Variants in HELZ observed in about 807,000 individuals in gnomAD.
HELZ encodes the protein ATP-dependent RNA helicase with zinc finger domain.
A neutral mutation model predicts 218.2 loss-of-function variants in HELZ; 23 were observed. The ratio of observed to expected loss-of-function variants is 0.11; its 90% CI spans 0.08 to 0.15. The LOEUF (loss-of-function observed/expected upper bound fraction) is 0.15. HELZ is among the 10% of genes least tolerant of loss of function. The pLI is 1.00. For missense variants in HELZ, 1,813 were observed against 2,353.7 expected, an observed-to-expected ratio of 0.77 and a Z score of 4.75; for synonymous variants, 814 against 829.4, an observed-to-expected ratio of 0.98 and a Z score of 0.32.
chr17:67,089,696 G>GAGAGAGAGAGAGAGACAGAC (rs34752223), intron 31 of HELZ, among the ~76,000 whole-genome samples: 6 of 122,674 alleles, frequency 4.9e-5, no homozygotes, highest in Admixed American at 4.9e-4. Context: ...GAGAGAGAGA[G>GAGAGAGAGAGAGAGACAGAC]AGAGACAGAG....
chr17:67,202,636 G>A (rs2040197302), intron 6 of HELZ, among the ~76,000 whole-genome samples: 1 of 152,176 alleles, frequency 6.6e-6, no homozygotes, highest in African/African-American at 2.4e-5. Context: ...AGTTTAGATA[G>A]ATTTAAACAT....
rs1246025366 is a variant in HELZ, at chr17:67,189,649, C to CAGG, written c.801_803dup (p.Leu268dup). ...ATTTTTTGGTGCTGACAGTAACTGA[C>CAGG]AGGTCAGGATTGTGCTCTACCTTTA... is the stretch of plus-strand genomic sequence containing the variant. On this transcript the variant is annotated inframe_insertion, in exon 11 of 33. Coordinates refer to ENST00000358691, the MANE Select transcript of HELZ (RefSeq NM_014877.4). 6.2e-7 allele frequency: 1 copy of CAGG among 1,613,740 alleles called. No homozygotes were observed. Among genetic ancestry groups the CAGG allele is most frequent in the Non-Finnish European group, 8.5e-7 (1 of 1,179,746 alleles).
Position 67,123,313 on chromosome 17 carries a change from T to C in HELZ, c.3440-153A>G, listed in dbSNP as rs1372484491. Among the ~76,000 whole-genome samples the C allele has an allele frequency of 2.6e-5, 4 of 151,788 alleles. No homozygotes were observed. The highest frequency in any genetic ancestry group is 2.0e-4 in the Admixed American group (3 of 15,260). On this transcript the variant is annotated intron_variant, in intron 25 of 32. Transcript: ENST00000358691. ...TATCAGTGTGGAAAAGTAAAGCATA[T>C]TACAAAAAAAAAAAATTTTTATAAT...
chr17:67,196,104 G>A (rs1030186050), intron 7 of HELZ, among the ~76,000 whole-genome samples: 10 of 152,010 alleles, frequency 6.6e-5, no homozygotes, highest in East Asian at 3.9e-4. Context: ...CGCCCGCCTC[G>A]GCCTCCTAAA....
At chr17:67,174,833 A>G (rs891199203) in intron 13 of HELZ, among the ~76,000 whole-genome samples, 1 of 152,176 alleles carries the variant, frequency 6.6e-6, no homozygotes, top group Admixed American at 6.5e-5. Context: ...TATTCTGCTT[A>G]AACTGTCAAA....
At chr17:67,215,034 C>T (rs1336137565) in intron 5 of HELZ, among the ~76,000 whole-genome samples, 1 of 152,084 alleles carries the variant, frequency 6.6e-6, no homozygotes, top group East Asian at 1.9e-4. Flanking sequence ...ATCCCAGCTA[C>T]TTGCAAGGCT....
At chr17:67,171,633 C>G (rs754951735) in intron 13 of HELZ, among the ~76,000 whole-genome samples, 5 of 152,166 alleles carry the variant, frequency 3.3e-5, no homozygotes, top group Non-Finnish European at 7.4e-5. Flanking sequence ...ATCAGAGGAT[C>G]TCTGAAAAAT....
chr17:67,210,030 C>T (rs2040410612), intron 5 of HELZ, among the ~76,000 whole-genome samples: 1 of 152,080 alleles, frequency 6.6e-6, no homozygotes, highest in Admixed American at 6.6e-5. Context: ...CCAGCCTGGG[C>T]AACAAAGCAA....
intron 27 of HELZ, among the ~76,000 whole-genome samples, chr17:67,119,750 G>C (rs994021455): frequency 2.0e-5 from 3 of 151,652 alleles, no homozygotes; most frequent in Admixed American, 6.6e-5. Context: ...AAAATATTTC[G>C]AGTTAACAAA....
intron 32 of HELZ, 88 bp from the exon 33 acceptor site, chr17:67,078,674 T>G: frequency 2.1e-6 from 2 of 944,266 alleles, no homozygotes; most frequent in Non-Finnish European, 3.0e-6. Flanking sequence ...GAACTGGCTC[T>G]CATCTCCAGG....
chr17:67,107,648 G>C lies in HELZ; in HGVS notation c.4762C>G (p.Gln1588Glu). 6.2e-7 allele frequency: 1 copy of C among 1,613,978 alleles called. No individual in the cohort carries two copies. The highest frequency in any genetic ancestry group is 1.1e-5 in the South Asian group (1 of 91,064). The change falls in exon 31 of 33, where the codon CAA (glutamine) becomes GAA (glutamate). Residue 1588 changes from glutamine to glutamate, a missense_variant. This residue lies in a region of HELZ where 938 missense variants were observed against 1,027.5 expected (regional missense o/e 0.91). Transcript: ENST00000358691. ...TCAGCTAGTTCCCGTGTTTCACTTT[G>C]ATCACGATGAGACAGTTCTCTGATT... ...DLIRELSHRD[Q>E]SETRELAEMP...
At chr17:67,142,027 G>C (rs1414117342) in intron 21 of HELZ, among the ~76,000 whole-genome samples, 1 of 151,710 alleles carries the variant, frequency 6.6e-6, no homozygotes, top group East Asian at 1.9e-4. Flanking sequence ...CTGGGCAACA[G>C]AGTGAGACTC....
At chr17:67,115,704 C>T (rs999585903) in intron 27 of HELZ, among the ~76,000 whole-genome samples, 1 of 152,020 alleles carries the variant, frequency 6.6e-6, no homozygotes, top group Non-Finnish European at 1.5e-5. Flanking sequence ...GAATTCTCCA[C>T]CCTACAAAAA....
rs562448281 is a variant in HELZ, at chr17:67,089,259, G to A, written c.5242-2178C>T. 3.3e-5 allele frequency among the ~76,000 whole-genome samples: 5 copies of A among 152,076 alleles called. No individual in the cohort carries two copies. In the South Asian group the frequency reaches 6.2e-4, roughly 19 times the overall value. On this transcript the variant is annotated intron_variant, in intron 31 of 32. Transcript: ENST00000358691. Reference sequence around the variant, plus strand: ...TATAAGCCCCTTTTCATTAAATAACGAACATACACAAACCAGTAGTATAAA... The same window carrying A: ...TATAAGCCCCTTTTCATTAAATAACAAACATACACAAACCAGTAGTATAAA...
At chr17:67,199,671 A>G (rs2040120585) in intron 7 of HELZ, among the ~76,000 whole-genome samples, 1 of 152,202 alleles carries the variant, frequency 6.6e-6, no homozygotes, top group African/African-American at 2.4e-5. Context: ...TTAGAAGAAA[A>G]AGCCTAATAG....
Position 67,235,918 on chromosome 17 carries a change from G to A in HELZ, c.-19+3515C>T, listed in dbSNP as rs148301870. Among the ~76,000 whole-genome samples, 259 of 151,868 alleles carry A rather than the reference G, an allele frequency of 1.7e-3. 3 individuals carry two copies. Among genetic ancestry groups the A allele is most frequent in the South Asian group, 0.015 (72 of 4,810 alleles). ...TGGGACTACAGGCACCTGCCACCAC[G>A]CCCGGCTAATTTTTTGTATTTTTAG... On this transcript the variant is annotated intron_variant, in intron 3 of 32. Coordinates refer to ENST00000358691, the MANE Select transcript of HELZ (RefSeq NM_014877.4).
At chr17:67,167,865 A>G in intron 13 of HELZ, 69 bp from the exon 14 acceptor site, 1 of 1,058,662 alleles carries the variant, frequency 9.4e-7, no homozygotes, top group Non-Finnish European at 1.4e-6. Flanking sequence ...GAAGAGTGAA[A>G]CAAAGTAAAT....
intron 12 of HELZ, among the ~76,000 whole-genome samples, chr17:67,182,793 T>C (rs1365212239): frequency 6.6e-6 from 1 of 152,250 alleles, no homozygotes; most frequent in African/African-American, 2.4e-5. Context: ...CTTCTGACCC[T>C]GAGAATAGCA....
upstream of HELZ, chr17:67,245,446 C>T: frequency 1.0e-6 from 1 of 983,370 alleles, no homozygotes; most frequent in Non-Finnish European, 1.2e-6. Context: ...CCTCCCTGCC[C>T]CCACGCCCGG....
Sources: allele counts gnomAD v4.1 joint callset (sites outside exome capture counted in the v4.1 genomes callset), GRCh38; gene constraint gnomAD v4.1.1; regional missense constraint gnomAD v4.1.1; transcripts MANE v1.5; gene names NCBI Gene and HGNC (gene_info 2026-07-23, HGNC 2026-07-21).